Variants in TMEM236 observed in about 807,000 individuals in gnomAD.
TMEM236 encodes family with sequence similarity 23, member A.
A neutral mutation model predicts 14.7 loss-of-function variants in TMEM236; 11 were observed. The ratio of observed to expected loss-of-function variants is 0.75; its 90% CI spans 0.47 to 1.24. The LOEUF is 1.24. Among genes scored for constraint, TMEM236 ranks in the 50% most tolerant of loss-of-function variants. The pLI is 0.00. For synonymous variants in TMEM236, 182 were observed against 168.6 expected, an observed-to-expected ratio of 1.08 and a Z score of -0.62; for missense variants, 464 against 427.3, an observed-to-expected ratio of 1.09 and a Z score of -0.76.
intron 3 of TMEM236, among the ~76,000 whole-genome samples, chr10:17,779,780 C>T (rs1276767098): frequency 1.3e-5 from 2 of 152,172 alleles, no homozygotes; most frequent in African/African-American, 4.8e-5. Flanking sequence ...AGACCCCTGA[C>T]TACCTTGCTG....
At position 17,780,987 on chromosome 10, in the gene TMEM236, A is replaced by G. The variant is rs908696267; in HGVS notation, c.472+4817A>G. Among the ~76,000 whole-genome samples the G allele has an allele frequency of 5.6e-3, 858 of 152,254 alleles. 5 individuals are homozygous for G. The highest frequency in any genetic ancestry group is 0.02 in the African/African-American group (815 of 41,542). On this transcript the variant is annotated intron_variant, in intron 3 of 3. Transcript: ENST00000377495. The stretch of plus-strand genomic sequence containing the variant: ...AGAAAAGGCTGGTCACCCCACCGTA[A>G]TCTTATTATGCAAATGGACTTTCCA...
chr10:17,796,456 C>T lies in TMEM236; in HGVS notation c.1008C>T (p.Tyr336=). ...LVTLSYIYFN[Y]LTRIRIFSAF... ...CTCTCTCTTACATTTACTTCAATTA[C>T]CTAACCAGAATCAGGATTTTTTCTG... Residue 336 remains tyrosine, a synonymous_variant, in exon 4 of 4, where the codon TAC becomes TAT. Transcript: ENST00000377495. 1 of 1,613,678 alleles carries T rather than the reference C, an allele frequency of 6.2e-7. No homozygotes were observed.
At chr10:17,766,406 A>C (rs1417631846) in intron 1 of TMEM236, among the ~76,000 whole-genome samples, 1 of 152,178 alleles carries the variant, frequency 6.6e-6, no homozygotes, top group Non-Finnish European at 1.5e-5. Flanking sequence ...GAAGCACCTT[A>C]GCATTCATAT....
At position 17,796,312 on chromosome 10, in the gene TMEM236, T is replaced by G; in HGVS notation, c.864T>G (p.Leu288=). ...LRITFTPQNP[L]LNSLSVLLQD... is the part of the protein sequence containing the mutation. ...TTACATTCACTCCCCAAAACCCTCT[T>G]CTCAATTCCCTGAGCGTCCTGCTGC... The change falls in exon 4 of 4, where the codon CTT becomes CTG. Residue 288 remains leucine, a synonymous_variant. Coordinates refer to ENST00000377495, the MANE Select transcript of TMEM236 (RefSeq NM_001098844.3). 6.2e-7 allele frequency: 1 copy of G among 1,613,966 alleles called. No individual in the cohort carries two copies. Among genetic ancestry groups the G allele is most frequent in the Non-Finnish European group, 8.5e-7 (1 of 1,179,858 alleles).
intron 3 of TMEM236, among the ~76,000 whole-genome samples, chr10:17,779,853 C>T (rs2046275337): frequency 6.6e-6 from 1 of 152,056 alleles, no homozygotes; most frequent in South Asian, 2.1e-4. Flanking sequence ...TATTTTCTAC[C>T]ACTCCTGCTC....
In TMEM236 at chr10:17,797,831, A is replaced by C. The variant is rs1838042038; in HGVS notation, c.*1327A>C. The C allele has an allele frequency of 1.3e-5, 2 of 152,254 alleles. No individual in the cohort carries two copies. Among genetic ancestry groups the C allele is most frequent in the African/African-American group, 4.8e-5 (2 of 41,450 alleles). The allele number at this position is 152,254 out of a possible 1,614,324, so 9.4% of individuals were successfully genotyped here. ...AAGTCAAGGTACATCAGTAATACCA[A>C]GATAAAGTTTCATAATAAAAAGCCA... On this transcript the variant is annotated 3_prime_UTR_variant, in exon 4 of 4. Coordinates refer to ENST00000377495, the MANE Select transcript of TMEM236 (RefSeq NM_001098844.3).
At chr10:17,761,234 C>G (rs1016557904) in intron 1 of TMEM236, among the ~76,000 whole-genome samples, 58 of 152,252 alleles carry the variant, frequency 3.8e-4, no homozygotes, top group African/African-American at 1.2e-3. Flanking sequence ...AGTGTCAGAC[C>G]TGATTCGTCC....
At chr10:17,788,527 G>A (rs1837873252) in intron 3 of TMEM236, among the ~76,000 whole-genome samples, 1 of 150,618 alleles carries the variant, frequency 6.6e-6, no homozygotes, top group Admixed American at 6.6e-5. Context: ...GAGGTGGGAG[G>A]GTTGCTTCAG....
Position 17,796,509 on chromosome 10 carries a change from G to A in TMEM236, c.*5G>A. 1 of 1,603,060 alleles carries A rather than the reference G, an allele frequency of 6.2e-7. No individual in the cohort carries two copies. Among genetic ancestry groups the A allele is most frequent in the Non-Finnish European group, 8.5e-7 (1 of 1,170,306 alleles). ...TTTGAAATGTCTCCATTTTAAAAAG[G>A]AAATGGGATCTAGTAAGGCCTCTTT... On this transcript the variant is annotated 3_prime_UTR_variant, in exon 4 of 4. Coordinates refer to ENST00000377495, the MANE Select transcript of TMEM236 (RefSeq NM_001098844.3).
At chr10:17,769,067 C>T (rs1228566261) in intron 1 of TMEM236, among the ~76,000 whole-genome samples, 1 of 152,176 alleles carries the variant, frequency 6.6e-6, no homozygotes, top group African/African-American at 2.4e-5. Context: ...CCAATAACCC[C>T]TTCCTTTCCC....
intron 1 of TMEM236, among the ~76,000 whole-genome samples, chr10:17,754,866 G>C (rs996225680): frequency 4.9e-4 from 75 of 151,764 alleles, no homozygotes; most frequent in African/African-American, 1.7e-3. Flanking sequence ...TACTCATCTT[G>C]GACTTCTCTC....
intron 2 of TMEM236, among the ~76,000 whole-genome samples, chr10:17,774,707 C>G (rs1023791835): frequency 5.3e-5 from 8 of 152,132 alleles, no homozygotes; most frequent in African/African-American, 1.9e-4. Context: ...GTCAGCCTGT[C>G]CTTTTCCACA....
chr10:17,780,459 A>G (rs912648081), intron 3 of TMEM236, among the ~76,000 whole-genome samples: 26 of 152,146 alleles, frequency 1.7e-4, no homozygotes, highest in African/African-American at 4.6e-4. Context: ...AAGTGCTACA[A>G]TAGATTTTAA....
intron 1 of TMEM236, among the ~76,000 whole-genome samples, chr10:17,766,950 C>T (rs1402087969): frequency 6.6e-6 from 1 of 152,184 alleles, no homozygotes; most frequent in East Asian, 1.9e-4. Flanking sequence ...TGAGTTTCTT[C>T]ACAGTCTTCC....
At chr10:17,761,391 T>C (rs1444842638) in intron 1 of TMEM236, among the ~76,000 whole-genome samples, 3 of 151,964 alleles carry the variant, frequency 2.0e-5, no homozygotes, top group African/African-American at 7.3e-5. Flanking sequence ...GGTAATTCTC[T>C]CCTTAAAAAA....
chr10:17,769,502 G>C (rs1837531809), intron 1 of TMEM236, among the ~76,000 whole-genome samples: 1 of 152,218 alleles, frequency 6.6e-6, no homozygotes, highest in African/African-American at 2.4e-5. Context: ...AGATAATATA[G>C]ATAAAGAACA....
intron 3 of TMEM236, among the ~76,000 whole-genome samples, chr10:17,792,847 G>C (rs1388764403): frequency 2.0e-5 from 3 of 152,176 alleles, no homozygotes; most frequent in Non-Finnish European, 4.4e-5. Context: ...ATGGGAAAAA[G>C]AATTCCAGCT....
At chr10:17,762,197 C>T (rs1267370676) in intron 1 of TMEM236, among the ~76,000 whole-genome samples, 1 of 152,120 alleles carries the variant, frequency 6.6e-6, no homozygotes, top group Non-Finnish European at 1.5e-5. Flanking sequence ...AAGGCAGTGG[C>T]ATCATTCTGC....
intron 1 of TMEM236, among the ~76,000 whole-genome samples, chr10:17,770,348 G>A (rs112645032): frequency 6.6e-6 from 1 of 152,064 alleles, no homozygotes. Flanking sequence ...AATTAAGGAT[G>A]CTAAACATAC....
Sources: gnomAD v4.1 joint callset for allele counts (sites outside exome capture counted in the v4.1 genomes callset) on GRCh38, gnomAD v4.1.1 for gene constraint, MANE v1.5 for transcripts, NCBI Gene and HGNC (gene_info 2026-07-23, HGNC 2026-07-21) for gene names.